The following DCUN1D5 variants were observed in gnomAD, a reference collection of about 807,000 sequenced individuals.
The protein encoded by DCUN1D5 is defective in cullin neddylation 1 domain containing 5, also known as DCN1-like protein 5.
Under a neutral mutation model 38.3 loss-of-function variants are expected in DCUN1D5, and 10 were observed. The ratio of observed to expected loss-of-function variants is 0.26; its 90% confidence interval spans 0.16 to 0.44. The LOEUF (loss-of-function observed/expected upper bound fraction) is 0.44, where lower values mean the gene tolerates loss of function less well. Ranked by LOEUF, DCUN1D5 falls within the 20% of genes least tolerant of loss-of-function variation. The pLI is 1.00. For synonymous variants in DCUN1D5, 93 were observed against 90.9 expected, an observed-to-expected ratio of 1.02 and a Z score of -0.13; for missense variants, 148 against 275.3, an observed-to-expected ratio of 0.54 and a Z score of 3.27.
At chr11:103,070,054 C>T (rs972577488) in intron 4 of DCUN1D5, among the ~76,000 whole-genome samples, 3 of 149,492 alleles carry the variant, frequency 2.0e-5, no homozygotes, top group Admixed American at 6.7e-5. Flanking sequence ...AGCTATCACA[C>T]AAATGCTTCA....
chr11:103,056,904 A>G lies in DCUN1D5; in HGVS notation c.*5455T>C, dbSNP rs1861888366. Among the ~76,000 whole-genome samples, 1 of 152,212 alleles carries G rather than the reference A, an allele frequency of 6.6e-6. No homozygotes were observed. Among genetic ancestry groups the G allele is most frequent in the African/African-American group, 2.4e-5 (1 of 41,460 alleles). On this transcript the variant is annotated 3_prime_UTR_variant, in exon 8 of 8. Transcript: ENST00000260247. This position sits in a 1 kb window ranked among gnomAD's most constrained non-coding sequence, Gnocchi z 4.9. Reference sequence around the variant, plus strand: ...TTAACACCTACTAAGTGCTGTGGATAGGGCCTATTTGAACTTCGTAACAAT... The same window carrying G: ...TTAACACCTACTAAGTGCTGTGGATGGGGCCTATTTGAACTTCGTAACAAT...
chr11:103,074,821 A>T (rs1339785556), intron 4 of DCUN1D5, among the ~76,000 whole-genome samples: 1 of 152,244 alleles, frequency 6.6e-6, no homozygotes, highest in African/African-American at 2.4e-5. Flanking sequence ...GATAATTCAT[A>T]AATTAATCTT....
chr11:103,081,368 T>C (rs967449567), intron 4 of DCUN1D5, among the ~76,000 whole-genome samples: 5 of 152,224 alleles, frequency 3.3e-5, no homozygotes, highest in South Asian at 4.1e-4. Context: ...TATTCTTTTG[T>C]ATATTTATTT....
chr11:103,068,894 ATT>A (rs1862202487), intron 4 of DCUN1D5, among the ~76,000 whole-genome samples: 1 of 152,116 alleles, frequency 6.6e-6, no homozygotes, highest in African/African-American at 2.4e-5. Flanking sequence ...TGCTTTCAGT[ATT>A]TACTTGTATA....
rs560678140 is a variant in DCUN1D5 at position 103,061,014 on chromosome 11, G to C, written c.*1345C>G. 2.6e-5 allele frequency among the ~76,000 whole-genome samples: 4 copies of C among 152,034 alleles called. No individual in the cohort carries two copies. The highest frequency in any genetic ancestry group is 5.9e-5 in the Non-Finnish European group (4 of 67,970). ...TGGGTGTTTCAGAAAACTGTACAAA[G>C]TAATCTTATTAAGAAGGCAAGTAAA... On this transcript the variant is annotated 3_prime_UTR_variant, in exon 8 of 8. Coordinates refer to ENST00000260247, the MANE Select transcript of DCUN1D5 (RefSeq NM_032299.4).
chr11:103,085,057 T>C (rs548704896), intron 2 of DCUN1D5, among the ~76,000 whole-genome samples: 98 of 152,338 alleles, frequency 6.4e-4, no homozygotes, highest in Non-Finnish European at 9.7e-4. Flanking sequence ...GTAAATATAT[T>C]GTAAATTTTT....
Position 103,059,542 on chromosome 11 carries a change from T to C in DCUN1D5, c.*2817A>G, listed in dbSNP as rs1186848478. Reference sequence around the variant, plus strand: ...ATCTATACATTATACACAAAAATGCTACTACTGTCAAAAATGTATTATATC... The same window carrying C: ...ATCTATACATTATACACAAAAATGCCACTACTGTCAAAAATGTATTATATC... On this transcript the variant is annotated 3_prime_UTR_variant, in exon 8 of 8. Coordinates refer to ENST00000260247, the MANE Select transcript of DCUN1D5 (RefSeq NM_032299.4). Among the ~76,000 whole-genome samples the C allele has an allele frequency of 2.0e-5, 3 of 152,174 alleles. No homozygotes were observed. The highest frequency in any genetic ancestry group is 6.6e-5 in the Admixed American group (1 of 15,264).
In DCUN1D5 at chr11:103,057,768, C is replaced by CA. The variant is rs145371778; in HGVS notation, c.*4590dup. On this transcript the variant is annotated 3_prime_UTR_variant, in exon 8 of 8. Transcript: ENST00000260247. This position sits in a 1 kb window ranked among gnomAD's most constrained non-coding sequence, Gnocchi z 4.8. ...ATTATGGCTAATATTCTACACAAAACACACACAGCTCACAGAGTTTTGGGG... is the reference window on the plus strand; with the variant it reads ...ATTATGGCTAATATTCTACACAAAACAACACACAGCTCACAGAGTTTTGGGG... Among the ~76,000 whole-genome samples the CA allele has an allele frequency of 0.016, 2,483 of 151,670 alleles. 65 individuals carry two copies. The highest frequency in any genetic ancestry group is 0.057 in the African/African-American group (2,351 of 41,356).
intron 4 of DCUN1D5, among the ~76,000 whole-genome samples, chr11:103,075,141 C>T (rs923353223): frequency 2.6e-5 from 4 of 152,214 alleles, no homozygotes; most frequent in African/African-American, 9.7e-5. Flanking sequence ...CAAATTTCCA[C>T]TTATTGCATA....
Position 103,083,383 on chromosome 11 carries a change from T to A in DCUN1D5, c.179-57A>T. ...TTATAATATCAACATAAAACATAAA[T>A]CGTCATGCTAAAGGTACCCATGAAC... is the stretch of plus-strand genomic sequence containing the variant. On this transcript the variant is annotated intron_variant, in intron 2 of 7. Coordinates refer to ENST00000260247, the MANE Select transcript of DCUN1D5 (RefSeq NM_032299.4). The surrounding 1 kb of genome is among the most constrained non-coding windows in gnomAD (Gnocchi z 4.4). 3.0e-6 allele frequency: 3 copies of A among 986,004 alleles called. No homozygotes were observed. In the East Asian group the frequency reaches 7.7e-5, roughly 25 times the overall value. 61.1% of individuals were successfully genotyped at this position (986,004 alleles called of 1,614,324 possible).
At chr11:103,085,073 G>C (rs1474769502) in intron 2 of DCUN1D5, among the ~76,000 whole-genome samples, 1 of 152,152 alleles carries the variant, frequency 6.6e-6, no homozygotes, top group Non-Finnish European at 1.5e-5. Flanking sequence ...TTTTTCTAAA[G>C]CATCAAGAAA....
chr11:103,089,149 A>C (rs1312063806), intron 2 of DCUN1D5, 78 bp downstream of exon 2: 4 of 1,411,954 alleles, frequency 2.8e-6, no homozygotes, highest in Non-Finnish European at 3.9e-6. Context: ...GGCCTGTAAC[A>C]GATAATTTGT....
chr11:103,059,148 C>G lies in DCUN1D5; in HGVS notation c.*3211G>C, dbSNP rs991369568. On this transcript the variant is annotated 3_prime_UTR_variant, in exon 8 of 8. Coordinates refer to ENST00000260247, the MANE Select transcript of DCUN1D5 (RefSeq NM_032299.4). ...CCTGGCATTCTTACCAATTACACCT[C>G]AAACTGAACATATATTTCAATAAAT... Among the ~76,000 whole-genome samples, 5 of 152,140 alleles carry G rather than the reference C, an allele frequency of 3.3e-5. No individual in the cohort carries two copies. Among genetic ancestry groups the G allele is most frequent in the African/African-American group, 1.2e-4 (5 of 41,442 alleles).
At position 103,066,711 on chromosome 11, in the gene DCUN1D5, A is replaced by C. The variant is rs1194280699; in HGVS notation, c.342-144T>G. ...TTTTAAAATTCTGAGTCACAAATTT[A>C]GAGTAATAAATTTCTTGCCCTGCAT... On this transcript the variant is annotated intron_variant, in intron 4 of 7. Coordinates refer to ENST00000260247, the MANE Select transcript of DCUN1D5 (RefSeq NM_032299.4). This position sits in a 1 kb window ranked among gnomAD's most constrained non-coding sequence, Gnocchi z 4.7. The C allele has an allele frequency of 9.8e-6, 5 of 508,606 alleles. No homozygotes were observed. Among genetic ancestry groups the C allele is most frequent in the Non-Finnish European group, 1.7e-5 (5 of 294,164 alleles). The allele number at this position is 508,606 out of a possible 1,614,324, so 31.5% of individuals were successfully genotyped here.
At position 103,063,433 on chromosome 11, in the gene DCUN1D5, C is replaced by T. The variant is rs1006554146; in HGVS notation, c.658+842G>A. Among the ~76,000 whole-genome samples, 1 of 152,064 alleles carries T rather than the reference C, an allele frequency of 6.6e-6. No individual in the cohort carries two copies. Among genetic ancestry groups the T allele is most frequent in the Non-Finnish European group, 1.5e-5 (1 of 67,968 alleles). Reference sequence around the variant, plus strand: ...AGGTTACTGCTGCTAGGTATTATTTCTTTAAAATAATACTAAATTTTATAC... The same window carrying T: ...AGGTTACTGCTGCTAGGTATTATTTTTTTAAAATAATACTAAATTTTATAC... On this transcript the variant is annotated intron_variant, in intron 7 of 7. Coordinates refer to ENST00000260247, the MANE Select transcript of DCUN1D5 (RefSeq NM_032299.4). The surrounding 1 kb of genome is among the most constrained non-coding windows in gnomAD (Gnocchi z 4.6).
At chr11:103,084,504 C>T (rs2134633082) in intron 2 of DCUN1D5, among the ~76,000 whole-genome samples, 1 of 152,218 alleles carries the variant, frequency 6.6e-6, no homozygotes, top group Non-Finnish European at 1.5e-5. Flanking sequence ...TAACAATGCA[C>T]TCGTGTTAAA....
chr11:103,074,200 A>C (rs1862350774), intron 4 of DCUN1D5, among the ~76,000 whole-genome samples: 1 of 152,246 alleles, frequency 6.6e-6, no homozygotes, highest in Non-Finnish European at 1.5e-5. Flanking sequence ...ATAGAATGTA[A>C]GAAAATGTTT....
At chr11:103,088,852 TGAATA>T (rs1461718194) in intron 2 of DCUN1D5, among the ~76,000 whole-genome samples, 3 of 152,212 alleles carry the variant, frequency 2.0e-5, no homozygotes, top group African/African-American at 7.2e-5. Context: ...AAGAGAATAT[TGAATA>T]GAAATGTTTT....
chr11:103,072,934 T>A (rs192174498), intron 4 of DCUN1D5, among the ~76,000 whole-genome samples: 32 of 151,986 alleles, frequency 2.1e-4, no homozygotes, highest in Admixed American at 4.6e-4. Flanking sequence ...GATATATAGA[T>A]CAGAAAAGAG....
Sources: allele counts gnomAD v4.1 joint callset (sites outside exome capture counted in the v4.1 genomes callset), GRCh38; gene constraint gnomAD v4.1.1; non-coding constraint Gnocchi (gnomAD v3.1); transcripts MANE v1.5; gene names NCBI Gene and HGNC (gene_info 2026-07-23, HGNC 2026-07-21).